MPPED2: variants seen among roughly 807,000 people sequenced by gnomAD.
MPPED2 encodes the protein metallophosphoesterase MPPED2.
Under a neutral mutation model 33.0 loss-of-function variants are expected in MPPED2, and 5 were observed. The observed-to-expected ratio is 0.15, with a 90% CI of 0.08 to 0.32. The LOEUF is 0.32. Ranked by LOEUF, MPPED2 falls within the 10% of genes least tolerant of loss-of-function variation. The pLI is 1.00. For synonymous variants in MPPED2, 136 were observed against 141.9 expected (o/e 0.96, Z 0.29); for missense variants, 275 against 372.1 (o/e 0.74, Z 2.15).
At chr11:30,462,077 C>T (rs181069256) in intron 4 of MPPED2, among the ~76,000 whole-genome samples, 37 of 152,280 alleles carry the variant, frequency 2.4e-4, no homozygotes, top group African/African-American at 7.7e-4. Context: ...CTGCAGCTAT[C>T]AATACAATAA....
chr11:30,554,159 C>T (rs947164543), intron 2 of MPPED2, among the ~76,000 whole-genome samples: 5 of 152,146 alleles, frequency 3.3e-5, no homozygotes, highest in Admixed American at 2.0e-4. Flanking sequence ...TACACAGAGC[C>T]GTGGCAACTT....
intron 4 of MPPED2, among the ~76,000 whole-genome samples, chr11:30,463,996 G>A (rs1350017544): frequency 6.6e-6 from 1 of 152,022 alleles, no homozygotes; most frequent in East Asian, 1.9e-4. Flanking sequence ...AAAATTCAAA[G>A]AGACATTTAA....
intron 4 of MPPED2, among the ~76,000 whole-genome samples, chr11:30,436,876 T>A (rs981551085): frequency 1.3e-5 from 2 of 152,174 alleles, no homozygotes; most frequent in African/African-American, 2.4e-5. Context: ...ACCTATATTT[T>A]CCAAATCAGG....
chr11:30,492,123 T>G (rs1952010660), intron 4 of MPPED2, among the ~76,000 whole-genome samples: 1 of 152,196 alleles, frequency 6.6e-6, no homozygotes, highest in Non-Finnish European at 1.5e-5. Context: ...ATCAATCCAG[T>G]TCAGATATAA....
In MPPED2 at chr11:30,529,442, G is replaced by A. The variant is rs75828155; in HGVS notation, c.310+6552C>T. ...TTAACCACATTCAGTGATGTGAAAA[G>A]TGGTTCATAATATATCGTTAAGATG... On this transcript the variant is annotated intron_variant, in intron 3 of 6. Coordinates refer to ENST00000358117, the MANE Select transcript of MPPED2 (RefSeq NM_001584.3). 4.6e-3 allele frequency among the ~76,000 whole-genome samples: 694 copies of A among 152,276 alleles called. 2 individuals are homozygous for A. Among genetic ancestry groups the A allele is most frequent in the Non-Finnish European group, 5.8e-3 (396 of 68,020 alleles).
chr11:30,397,140 A>G lies in MPPED2; in HGVS notation c.767-8184T>C, dbSNP rs111585775. ...TTCAGAAAATATTATTTACTGTGAA[A>G]TAAACTAATGTAATTAAGAGAAGTA... On this transcript the variant is annotated intron_variant, in intron 6 of 6. Coordinates refer to the MPPED2 transcript ENST00000448418. 4.1e-3 allele frequency among the ~76,000 whole-genome samples: 624 copies of G among 152,294 alleles called. 6 individuals carry two copies. The highest frequency in any genetic ancestry group is 0.015 in the African/African-American group (604 of 41,574).
rs1952911003 is a variant in MPPED2, at chr11:30,507,642, A to G, written c.311-12121T>C. On this transcript the variant is annotated intron_variant, in intron 3 of 6. Coordinates refer to ENST00000358117, the MANE Select transcript of MPPED2 (RefSeq NM_001584.3). ...GGAGACCATATTCATTTCCTTTTCCATTCTGCTTTCTCCACCCCTCAATGG... is the reference window on the plus strand; with the variant it reads ...GGAGACCATATTCATTTCCTTTTCCGTTCTGCTTTCTCCACCCCTCAATGG... Among the ~76,000 whole-genome samples the G allele has an allele frequency of 2.0e-5, 3 of 152,106 alleles. No homozygotes were observed. The South Asian group carries it at 6.2e-4, about 32-fold the overall frequency.
chr11:30,577,935 C>T (rs556899618), intron 2 of MPPED2, among the ~76,000 whole-genome samples: 8 of 152,172 alleles, frequency 5.3e-5, no homozygotes, highest in Non-Finnish European at 8.8e-5. Flanking sequence ...CTCAGAAGAA[C>T]AAGCCTTTCT....
At chr11:30,430,291 C>T (rs748985775) in intron 4 of MPPED2, among the ~76,000 whole-genome samples, 5 of 151,856 alleles carry the variant, frequency 3.3e-5, no homozygotes, top group African/African-American at 7.3e-5. Context: ...AGTCTGAAAA[C>T]GGAGATGTGC....
At chr11:30,541,395 A>G (rs1955104466) in intron 2 of MPPED2, among the ~76,000 whole-genome samples, 1 of 152,192 alleles carries the variant, frequency 6.6e-6, no homozygotes, top group Non-Finnish European at 1.5e-5. Flanking sequence ...ATCTTCAGAA[A>G]AGCTGTCATG....
intron 4 of MPPED2, among the ~76,000 whole-genome samples, chr11:30,427,916 A>G (rs550064469): frequency 6.6e-6 from 1 of 152,318 alleles, no homozygotes; most frequent in South Asian, 2.1e-4. Flanking sequence ...GCTAAATGCA[A>G]GTGGAGCATG....
chr11:30,421,790 C>T (rs1800356427), intron 4 of MPPED2, among the ~76,000 whole-genome samples: 2 of 152,136 alleles, frequency 1.3e-5, no homozygotes, highest in South Asian at 4.1e-4. Flanking sequence ...AAGGCTGCTC[C>T]ATACAGAATC....
At chr11:30,439,757 A>G (rs1590270225) in intron 4 of MPPED2, among the ~76,000 whole-genome samples, 1 of 152,180 alleles carries the variant, frequency 6.6e-6, no homozygotes, top group East Asian at 1.9e-4. Flanking sequence ...ACATTTATTT[A>G]CCTTTGTAAT....
chr11:30,395,528 T>C (rs1415566356), intron 6 of MPPED2, among the ~76,000 whole-genome samples: 1 of 152,144 alleles, frequency 6.6e-6, no homozygotes, highest in Non-Finnish European at 1.5e-5. Context: ...TCTGCATGGA[T>C]TCAATTTTTC....
At chr11:30,428,268 CACA>C (rs1334195895) in intron 4 of MPPED2, among the ~76,000 whole-genome samples, 1 of 152,192 alleles carries the variant, frequency 6.6e-6, no homozygotes, top group African/African-American at 2.4e-5. Flanking sequence ...TTTAAATGCA[CACA>C]ACATTATATA....
At chr11:30,430,327 T>A (rs1051744886) in intron 4 of MPPED2, among the ~76,000 whole-genome samples, 2 of 152,236 alleles carry the variant, frequency 1.3e-5, no homozygotes, top group African/African-American at 4.8e-5. Context: ...CACATCATAT[T>A]TTGGATGCTT....
chr11:30,413,988 T>C (rs1415132492), intron 6 of MPPED2, among the ~76,000 whole-genome samples: 1 of 151,946 alleles, frequency 6.6e-6, no homozygotes, highest in African/African-American at 2.4e-5. Flanking sequence ...CCAGGGGGAG[T>C]GCAGGGTTTG....
chr11:30,404,235 G>A (rs1947954963), intron 6 of MPPED2, among the ~76,000 whole-genome samples: 1 of 152,220 alleles, frequency 6.6e-6, no homozygotes, highest in African/African-American at 2.4e-5. Context: ...TATTTCTCCA[G>A]AGAGCTATTT....
At chr11:30,441,478 C>G (rs1208318210) in intron 4 of MPPED2, 1 of 152,186 alleles carries the variant, frequency 6.6e-6, no homozygotes, top group East Asian at 1.9e-4. Context: ...CAATCCCCTT[C>G]CATGAAACCA....
Sources: gnomAD v4.1 joint callset for allele counts (sites outside exome capture counted in the v4.1 genomes callset) on GRCh38, gnomAD v4.1.1 for gene constraint, MANE v1.5 for transcripts, NCBI Gene and HGNC (gene_info 2026-07-23, HGNC 2026-07-21) for gene names.